Variants in USP45 observed in about 807,000 individuals in gnomAD.
The protein encoded by USP45 is ubiquitin specific peptidase 45, also known as ubiquitin carboxyl-terminal hydrolase 45.
Under a neutral mutation model 95.8 loss-of-function variants are expected in USP45, and 89 were observed. The observed-to-expected ratio is 0.93, with a 90% confidence interval of 0.78 to 1.11. The LOEUF (loss-of-function observed/expected upper bound fraction) is 1.11. Among genes scored for constraint, USP45 ranks in the 50% least tolerant of loss-of-function variants. The pLI, the probability that USP45 is intolerant of heterozygous loss-of-function variation, is 0.00. For synonymous variants in USP45, 281 were observed against 316.2 expected (o/e 0.89, Z 1.18); for missense variants, 898 against 942.5 (o/e 0.95, Z 0.62).
Position 99,465,572 on chromosome 6 carries a change from C to G in USP45, c.1108-436G>C, listed in dbSNP as rs531146357. ...TTTTGTTTTAAAAGATACTCTCTATCTTGTGAGAGAGAAAACAACTTCTGT... is the reference window on the plus strand; with the variant it reads ...TTTTGTTTTAAAAGATACTCTCTATGTTGTGAGAGAGAAAACAACTTCTGT... On this transcript the variant is annotated intron_variant, in intron 11 of 17. Transcript: ENST00000500704. Among the ~76,000 whole-genome samples the G allele has an allele frequency of 3.9e-5, 6 of 152,234 alleles. No homozygotes were observed. In the East Asian group the frequency reaches 1.2e-3, roughly 29 times the overall value.
intron 4 of USP45, among the ~76,000 whole-genome samples, chr6:99,504,296 C>T (rs762772705): frequency 1.2e-4 from 19 of 152,184 alleles, no homozygotes; most frequent in African/African-American, 2.9e-4. Flanking sequence ...TGCACCACTA[C>T]GCCCAGCTAA....
upstream of USP45, among the ~76,000 whole-genome samples, chr6:99,515,956 T>C (rs1801067500): frequency 6.6e-6 from 1 of 151,586 alleles, no homozygotes; most frequent in African/African-American, 2.4e-5. Context: ...TTGTATTTTG[T>C]TTAGTAGAGA....
intron 7 of USP45, among the ~76,000 whole-genome samples, chr6:99,483,264 T>C (rs1292305318): frequency 6.6e-6 from 1 of 152,190 alleles, no homozygotes; most frequent in Non-Finnish European, 1.5e-5. Context: ...TTGTGTATAA[T>C]GTAGGATTAT....
In USP45 at chr6:99,507,536, A is replaced by G. The variant is rs1202414442; in HGVS notation, c.274-5T>C. 1.9e-6 allele frequency: 3 copies of G among 1,575,654 alleles called. No homozygotes were observed. In the East Asian group the frequency reaches 6.7e-5, roughly 35 times the overall value. ...TTCTGAGTTTTTACCACATCCCTGA[A>G]GATGAACAGAATTTTATTTTGTATG... On this transcript the variant is annotated splice_region_variant and splice_polypyrimidine_tract_variant and intron_variant, in intron 3 of 17. Transcript: ENST00000500704.
chr6:99,504,160 A>G (rs541344538), intron 4 of USP45, among the ~76,000 whole-genome samples: 17 of 152,294 alleles, frequency 1.1e-4, no homozygotes, highest in African/African-American at 4.1e-4. Context: ...TTTATTTTTG[A>G]GACAGAGTCT....
chr6:99,448,355 T>A (rs901417130), intron 13 of USP45, among the ~76,000 whole-genome samples: 2 of 152,144 alleles, frequency 1.3e-5, no homozygotes, highest in African/African-American at 4.8e-5. Flanking sequence ...AATGACCTGA[T>A]TGAGCTGAAA....
chr6:99,443,741 G>T (rs953306230), intron 14 of USP45, 79 bp from the exon 15 acceptor site: 40 of 881,596 alleles, frequency 4.5e-5, no homozygotes, highest in Non-Finnish European at 6.0e-5. Context: ...TTATACAGAA[G>T]TATCATACCA....
At position 99,445,789 on chromosome 6, in the gene USP45, AT is replaced by A. The variant is rs1415506064; in HGVS notation, c.1975+7del. On this transcript the variant is annotated splice_region_variant and intron_variant, in intron 14 of 17. Coordinates refer to ENST00000500704, the MANE Select transcript of USP45 (RefSeq NM_001346022.3). ...GATCAATAATTATGTAATTAAAAAA[AT>A]AATTACCTGCAAAACTGGTTTCTTC... is the stretch of plus-strand genomic sequence containing the variant. 3.3e-6 allele frequency: 5 copies of A among 1,534,558 alleles called. No individual in the cohort carries two copies. In the East Asian group the frequency reaches 6.8e-5, roughly 21 times the overall value.
chr6:99,487,633 C>CAAAAAAAAAAAAAAA (rs11335830), intron 7 of USP45, among the ~76,000 whole-genome samples: 1 of 106,390 alleles, frequency 9.4e-6, no homozygotes, highest in Non-Finnish European at 1.9e-5. Context: ...ACTAAAAATA[C>CAAAAAAAAAAAAAAA]AAAAAAAAAA....
chr6:99,486,561 G>A (rs1319981492), intron 7 of USP45, among the ~76,000 whole-genome samples: 5 of 151,020 alleles, frequency 3.3e-5, no homozygotes, highest in South Asian at 4.2e-4. Flanking sequence ...GCTGCTTTTC[G>A]ACTATATATA....
At chr6:99,470,256 C>T (rs900771919) in intron 9 of USP45, among the ~76,000 whole-genome samples, 6 of 152,158 alleles carry the variant, frequency 3.9e-5, no homozygotes, top group African/African-American at 1.2e-4. Flanking sequence ...TGATCACATT[C>T]TTATTCTCGC....
chr6:99,489,411 A>T (rs1794689406), intron 5 of USP45, among the ~76,000 whole-genome samples: 1 of 152,222 alleles, frequency 6.6e-6, no homozygotes, highest in South Asian at 2.1e-4. Context: ...AGTAGGGAAG[A>T]GACTTCCTTA....
chr6:99,487,919 C>T (rs1402094901), intron 7 of USP45, among the ~76,000 whole-genome samples: 1 of 152,136 alleles, frequency 6.6e-6, no homozygotes, highest in East Asian at 1.9e-4. Context: ...GCATTTTGCT[C>T]AATAGAAGTC....
At chr6:99,515,345 G>A (rs950145077) in intron 1 of USP45, 47 bp downstream of exon 1, 3 of 152,240 alleles carry the variant, frequency 2.0e-5, no homozygotes, top group African/African-American at 7.2e-5. Context: ...GAGAAACTGC[G>A]GCGACCATAC....
chr6:99,456,860 G>C (rs1785202829), intron 13 of USP45, among the ~76,000 whole-genome samples: 1 of 152,228 alleles, frequency 6.6e-6, no homozygotes, highest in African/African-American at 2.4e-5. Flanking sequence ...TGGCGGAACA[G>C]AGCCATATTT....
rs911153410 is a variant in USP45 at position 99,460,824 on chromosome 6, T to C, written c.1308+3780A>G. The stretch of plus-strand genomic sequence containing the variant: ...AGCAATTCCATAATAACACCTTTTA[T>C]AATAACTAAAAAGAAAACAGAGGAA... On this transcript the variant is annotated intron_variant, in intron 13 of 17. Transcript: ENST00000500704. 6 of 983,836 alleles carry C rather than the reference T, an allele frequency of 6.1e-6. No individual in the cohort carries two copies. In the African/African-American group the frequency reaches 7.0e-5, roughly 11 times the overall value. 60.9% of individuals were successfully genotyped at this position (983,836 alleles called of 1,614,324 possible). A position where few individuals can be genotyped will look rare whatever the true frequency, so the allele number is the denominator to read the frequency against.
At chr6:99,509,586 A>G in intron 2 of USP45, among the ~76,000 whole-genome samples, 1 of 151,722 alleles carries the variant, frequency 6.6e-6, no homozygotes. Flanking sequence ...AGCTCCCAAA[A>G]GCCATCTGCC....
rs142399609 is a variant in USP45 at position 99,509,008 on chromosome 6, G to A, written c.101-226C>T. Among the ~76,000 whole-genome samples the A allele has an allele frequency of 1.1e-3, 169 of 152,316 alleles. 1 individual carries two copies. The highest frequency in any genetic ancestry group is 0.01 in the Middle Eastern group (3 of 294). On this transcript the variant is annotated intron_variant, in intron 2 of 17. Transcript: ENST00000500704. ...TTCATGGTTGTAGGGAGCAATGGACGCAAGGCAGAGGGTGTTGCTATAAAT... is the reference window on the plus strand; with the variant it reads ...TTCATGGTTGTAGGGAGCAATGGACACAAGGCAGAGGGTGTTGCTATAAAT...
intron 7 of USP45, among the ~76,000 whole-genome samples, chr6:99,487,113 T>C (rs545938142): frequency 6.6e-6 from 1 of 152,294 alleles, no homozygotes; most frequent in East Asian, 1.9e-4. Context: ...GTGAATGCCC[T>C]CAGAAAGCGA....
Sources: allele counts gnomAD v4.1 joint callset (sites outside exome capture counted in the v4.1 genomes callset), GRCh38; gene constraint gnomAD v4.1.1; transcripts MANE v1.5; gene names NCBI Gene and HGNC (gene_info 2026-07-23, HGNC 2026-07-21).